TDRD3: variants seen among roughly 807,000 people sequenced by gnomAD.
TDRD3 encodes tudor domain containing 3, also known as tudor domain-containing protein 3.
TDRD3 carries 45 observed loss-of-function variants against 86.7 expected under a neutral mutation model. That is an observed-to-expected ratio of 0.52 (90% CI 0.41 to 0.67). The LOEUF is 0.67. TDRD3 is among the 30% of genes least tolerant of loss of function. TDRD3 has a pLI of 0.00. For missense variants in TDRD3, 814 were observed against 889.0 expected, an observed-to-expected ratio of 0.92 and a Z score of 1.07; for synonymous variants, 298 against 301.7, an observed-to-expected ratio of 0.99 and a Z score of 0.13.
intron 3 of TDRD3, among the ~76,000 whole-genome samples, chr13:60,449,687 A>G (rs1955490540): frequency 6.6e-6 from 1 of 152,110 alleles, no homozygotes; most frequent in Non-Finnish European, 1.5e-5. Flanking sequence ...TATGTTGTCA[A>G]TTTCTTAATT....
At chr13:60,503,790 A>G (rs574202102) in intron 8 of TDRD3, among the ~76,000 whole-genome samples, 7 of 152,362 alleles carry the variant, frequency 4.6e-5, no homozygotes, top group Admixed American at 3.9e-4. Context: ...AAAGCCTTTC[A>G]TTAGCCTTTA....
intron 3 of TDRD3, among the ~76,000 whole-genome samples, chr13:60,459,982 C>T (rs1955770862): frequency 6.6e-6 from 1 of 152,036 alleles, no homozygotes; most frequent in Non-Finnish European, 1.5e-5. Context: ...CTGCAAAGTT[C>T]TTTATTTTCA....
At chr13:60,479,289 T>C (rs1956262718) in intron 5 of TDRD3, among the ~76,000 whole-genome samples, 1 of 152,250 alleles carries the variant, frequency 6.6e-6, no homozygotes. Context: ...TTTTAAAATT[T>C]ACATGTAATT....
intron 1 of TDRD3, among the ~76,000 whole-genome samples, chr13:60,402,625 T>G (rs1204148988): frequency 6.6e-6 from 1 of 152,096 alleles, no homozygotes; most frequent in Non-Finnish European, 1.5e-5. Context: ...GTATACTCTT[T>G]TGGAAAGGAT....
At chr13:60,560,130 C>A (rs577868574) in intron 12 of TDRD3, among the ~76,000 whole-genome samples, 1 of 152,004 alleles carries the variant, frequency 6.6e-6, no homozygotes, top group African/African-American at 2.4e-5. Context: ...AAATATATAC[C>A]GTATGATGCA....
intron 12 of TDRD3, among the ~76,000 whole-genome samples, chr13:60,548,870 A>T (rs1020148825): frequency 3.9e-5 from 6 of 152,142 alleles, no homozygotes; most frequent in African/African-American, 1.4e-4. Flanking sequence ...TAAACCAGTA[A>T]TCCCATAGTT....
At chr13:60,476,244 A>T (rs924810947) in intron 5 of TDRD3, among the ~76,000 whole-genome samples, 6 of 152,172 alleles carry the variant, frequency 3.9e-5, no homozygotes, top group African/African-American at 9.7e-5. Flanking sequence ...GTCCAGTTTC[A>T]ATCTTCTGCA....
intron 4 of TDRD3, among the ~76,000 whole-genome samples, chr13:60,465,318 A>C (rs1294822113): frequency 6.6e-6 from 1 of 152,164 alleles, no homozygotes; most frequent in Non-Finnish European, 1.5e-5. Flanking sequence ...CAGAGTTATG[A>C]AAATCTGAAT....
intron 12 of TDRD3, among the ~76,000 whole-genome samples, chr13:60,542,063 G>A (rs1957830542): frequency 6.6e-6 from 1 of 152,050 alleles, no homozygotes. Context: ...TCATCGGTGA[G>A]AGCCACAACT....
chr13:60,524,584 T>C (rs1171865331), intron 10 of TDRD3, among the ~76,000 whole-genome samples: 4 of 151,326 alleles, frequency 2.6e-5, no homozygotes, highest in African/African-American at 9.7e-5. Context: ...AATAATTGAG[T>C]ATATTTGTTA....
intron 1 of TDRD3, among the ~76,000 whole-genome samples, chr13:60,403,977 G>C (rs554358763): frequency 2.6e-4 from 39 of 152,312 alleles, no homozygotes; most frequent in African/African-American, 9.1e-4. Flanking sequence ...CTGTGTTGCT[G>C]AGCTATGATG....
chr13:60,450,552 G>T lies in TDRD3; in HGVS notation c.192+5804G>T, dbSNP rs368021146. On this transcript the variant is annotated intron_variant, in intron 3 of 13. Coordinates refer to ENST00000377881, the MANE Select transcript of TDRD3 (RefSeq NM_001146070.2). Reference sequence around the variant, plus strand: ...TTTATATTTCTGGAGGTAAATTAAAGAACTTATGTAAAGATCCTGCTATAT... The same window carrying T: ...TTTATATTTCTGGAGGTAAATTAAATAACTTATGTAAAGATCCTGCTATAT... Among the ~76,000 whole-genome samples the T allele has an allele frequency of 5.7e-4, 86 of 152,156 alleles. 1 individual carries two copies. The East Asian group carries it at 0.014, about 25-fold the overall frequency.
At chr13:60,571,761 A>G (rs17058231) in intron 13 of TDRD3, among the ~76,000 whole-genome samples, 2,541 of 151,936 alleles carry the variant, frequency 0.017, 167 homozygotes, top group Admixed American at 0.12. Flanking sequence ...ATACTTCCTC[A>G]TTGTGGTGAG....
chr13:60,455,306 A>G (rs961289646), intron 3 of TDRD3, among the ~76,000 whole-genome samples: 3 of 152,236 alleles, frequency 2.0e-5, no homozygotes, highest in African/African-American at 7.2e-5. Flanking sequence ...CATAAGTGCT[A>G]TTTAAAGCTT....
chr13:60,555,712 A>AT (rs1176673566), intron 12 of TDRD3, among the ~76,000 whole-genome samples: 7 of 152,160 alleles, frequency 4.6e-5, no homozygotes, highest in Non-Finnish European at 5.9e-5. Context: ...GATGAGTATC[A>AT]TTTAGTTCAT....
intron 12 of TDRD3, among the ~76,000 whole-genome samples, chr13:60,540,477 A>T (rs950805530): frequency 1.3e-5 from 2 of 152,212 alleles, no homozygotes; most frequent in African/African-American, 2.4e-5. Flanking sequence ...AAAACTGCTG[A>T]CACAGAAGGA....
At chr13:60,570,211 A>G (rs991073726) in intron 13 of TDRD3, among the ~76,000 whole-genome samples, 1 of 152,206 alleles carries the variant, frequency 6.6e-6, no homozygotes, top group African/African-American at 2.4e-5. Context: ...AAACAACTCA[A>G]GAAAAAAAAT....
intron 4 of TDRD3, among the ~76,000 whole-genome samples, chr13:60,461,701 G>A (rs770034371): frequency 2.6e-5 from 4 of 152,162 alleles, no homozygotes; most frequent in Non-Finnish European, 5.9e-5. Flanking sequence ...CAGCCTCTTA[G>A]TAGCTCATAT....
In TDRD3 at chr13:60,510,724, G is replaced by A; in HGVS notation, c.1110G>A (p.Leu370=). 1.3e-6 allele frequency: 2 copies of A among 1,586,928 alleles called. No individual in the cohort carries two copies. Among genetic ancestry groups the A allele is most frequent in the Non-Finnish European group, 1.7e-6 (2 of 1,167,850 alleles). ...CACCAAGCACATTATTTGATTTCTT[G>A]GAATCTAAAATGGGAACTTTGAATG... The part of the protein sequence containing the change: ...PSAPSTLFDF[L]ESKMGTLNVE... The change falls in exon 10 of 14, where the codon TTG becomes TTA. Residue 370 remains leucine (L), a synonymous_variant. Transcript: ENST00000377881.
Sources: allele counts gnomAD v4.1 joint callset (sites outside exome capture counted in the v4.1 genomes callset), GRCh38; gene constraint gnomAD v4.1.1; transcripts MANE v1.5; gene names NCBI Gene and HGNC (gene_info 2026-07-23, HGNC 2026-07-21).